SAXO1: variants seen among roughly 807,000 people sequenced by gnomAD.
The protein encoded by SAXO1 is 4930500O09Rik.
Under a neutral mutation model 17.5 loss-of-function variants are expected in SAXO1, and 21 were observed. That is an observed-to-expected ratio of 1.20 (90% CI 0.85 to 1.72). The LOEUF (loss-of-function observed/expected upper bound fraction) is 1.72. Ranked by LOEUF, SAXO1 falls within the 40% of genes most tolerant of loss-of-function variation. The pLI, the probability that SAXO1 is intolerant of heterozygous loss-of-function variation, is 0.00. For missense variants in SAXO1, 843 were observed against 596.0 expected (o/e 1.41, Z -4.32); for synonymous variants, 274 against 216.5 (o/e 1.27, Z -2.33).
At chr9:18,986,556 G>C (rs1204284834) in intron 1 of SAXO1, among the ~76,000 whole-genome samples, 1 of 151,978 alleles carries the variant, frequency 6.6e-6, no homozygotes, top group Non-Finnish European at 1.5e-5. Context: ...CTTATGAAAA[G>C]AAGTGACATT....
chr9:19,001,524 A>C (rs1280876276), intron 1 of SAXO1, among the ~76,000 whole-genome samples: 2 of 151,974 alleles, frequency 1.3e-5, no homozygotes, highest in Non-Finnish European at 2.9e-5. Context: ...AAAATTAGCC[A>C]GGTGTGGTGG....
intron 1 of SAXO1, among the ~76,000 whole-genome samples, chr9:19,013,468 C>G (rs556840998): frequency 1.3e-5 from 2 of 151,938 alleles, no homozygotes; most frequent in East Asian, 3.9e-4. Context: ...CAAGAGCTGA[C>G]CATTACCATT....
intron 1 of SAXO1, among the ~76,000 whole-genome samples, chr9:19,028,384 T>C (rs1289477850): frequency 6.6e-6 from 1 of 151,860 alleles, no homozygotes; most frequent in Non-Finnish European, 1.5e-5. Flanking sequence ...TCAAAAAAAA[T>C]AAAAAATAAA....
At chr9:19,022,435 G>A (rs1563987313) in intron 1 of SAXO1, among the ~76,000 whole-genome samples, 1 of 152,174 alleles carries the variant, frequency 6.6e-6, no homozygotes, top group African/African-American at 2.4e-5. Flanking sequence ...ATTACTCACT[G>A]CCCTCCCATG....
intron 1 of SAXO1, among the ~76,000 whole-genome samples, chr9:18,988,944 G>A (rs1588487008): frequency 6.6e-6 from 1 of 152,106 alleles, no homozygotes; most frequent in Non-Finnish European, 1.5e-5. Context: ...AATCAGAGGG[G>A]AGTATAAAAA....
At chr9:19,003,895 G>A (rs1218955142) in intron 1 of SAXO1, among the ~76,000 whole-genome samples, 1 of 152,034 alleles carries the variant, frequency 6.6e-6, no homozygotes, top group Admixed American at 6.6e-5. Context: ...TAGACAAATG[G>A]GACCTAATTA....
chr9:18,950,848 A>G lies in SAXO1; in HGVS notation c.128T>C (p.Phe43Ser). Residue 43 changes from phenylalanine to serine, a missense_variant, in exon 2 of 4, where the codon TTC becomes TCC. Phe to Ser is a radical substitution (Grantham distance 155). Transcript: ENST00000380534. Reference sequence around the variant, plus strand: ...CTCTCTGGGCAGGTAGGAGTGATAGAAAGGGTAGTTCTCGGTATATTCGGA... The same window carrying G: ...CTCTCTGGGCAGGTAGGAGTGATAGGAAGGGTAGTTCTCGGTATATTCGGA... ...LLSEYTENYP[F>S]YHSYLPRESF... 6.2e-7 allele frequency: 1 copy of G among 1,613,848 alleles called. No homozygotes were observed.
chr9:19,029,809 CA>C (rs1293590301), intron 1 of SAXO1, among the ~76,000 whole-genome samples: 1 of 152,182 alleles, frequency 6.6e-6, no homozygotes, highest in Non-Finnish European at 1.5e-5. Context: ...GAAATTGCCA[CA>C]GCTGGCTACC....
chr9:19,048,748 TA>T (rs1165566172), intron 1 of SAXO1, among the ~76,000 whole-genome samples: 1 of 152,212 alleles, frequency 6.6e-6, no homozygotes, highest in African/African-American at 2.4e-5. Flanking sequence ...ATAGGGTTAT[TA>T]ATTCACAGGG....
chr9:18,968,199 T>C (rs967260552), intron 1 of SAXO1, among the ~76,000 whole-genome samples: 3 of 152,238 alleles, frequency 2.0e-5, no homozygotes, highest in African/African-American at 7.2e-5. Context: ...TTCAGCCATC[T>C]TGCCAGTCTT....
intron 1 of SAXO1, among the ~76,000 whole-genome samples, chr9:18,951,607 C>T (rs545632168): frequency 3.9e-5 from 6 of 152,278 alleles, no homozygotes; most frequent in South Asian, 2.1e-4. Context: ...ACCTCGCCGT[C>T]GTATCCCCTC....
chr9:19,038,500 T>C (rs34272218), intron 1 of SAXO1, among the ~76,000 whole-genome samples: 15,538 of 149,930 alleles, frequency 0.1, 866 homozygotes, highest in Non-Finnish European at 0.12. Flanking sequence ...AGTAAACTAT[T>C]GCAAGGACAA....
intron 1 of SAXO1, among the ~76,000 whole-genome samples, chr9:19,004,550 C>A (rs571981209): frequency 6.6e-6 from 1 of 152,272 alleles, no homozygotes; most frequent in East Asian, 1.9e-4. Flanking sequence ...AAAAGGATGA[C>A]TTCATGTCTT....
intron 1 of SAXO1, among the ~76,000 whole-genome samples, chr9:19,020,086 G>A (rs1697305385): frequency 6.7e-6 from 1 of 149,676 alleles, no homozygotes; most frequent in Admixed American, 6.7e-5. Flanking sequence ...CAAAGCAAAA[G>A]TCCAATGACT....
intron 3 of SAXO1, among the ~76,000 whole-genome samples, chr9:18,932,278 A>G (rs1831086930): frequency 6.6e-6 from 1 of 152,222 alleles, no homozygotes; most frequent in South Asian, 2.1e-4. Context: ...CCATTCATCA[A>G]AAAGACTATC....
At chr9:19,031,212 C>T (rs1460662809) in intron 1 of SAXO1, among the ~76,000 whole-genome samples, 1 of 152,248 alleles carries the variant, frequency 6.6e-6, no homozygotes, top group East Asian at 1.9e-4. Context: ...ATGTCTTATA[C>T]ATTCAATCCC....
intron 1 of SAXO1, among the ~76,000 whole-genome samples, chr9:18,965,274 A>T (rs2131773203): frequency 1.3e-5 from 2 of 152,312 alleles, no homozygotes; most frequent in East Asian, 3.9e-4. Context: ...TATTAGGTCC[A>T]CTTGGTCCAG....
chr9:19,017,748 A>G (rs942099806), intron 1 of SAXO1, among the ~76,000 whole-genome samples: 3 of 152,242 alleles, frequency 2.0e-5, no homozygotes, highest in Non-Finnish European at 4.4e-5. Context: ...AAAAATATCC[A>G]TGCCTATCTC....
chr9:18,999,842 GCCCAGCCGCCACAACA>G (rs1834178736), intron 1 of SAXO1, among the ~76,000 whole-genome samples: 3 of 143,182 alleles, frequency 2.1e-5, no homozygotes, highest in African/African-American at 7.9e-5. Flanking sequence ...GAGCGCCTCT[GCCCAGCCGCCACAACA>G]TCTGGGAAGT....
Sources: allele counts gnomAD v4.1 joint callset (sites outside exome capture counted in the v4.1 genomes callset), GRCh38; gene constraint gnomAD v4.1.1; transcripts MANE v1.5; gene names NCBI Gene and HGNC (gene_info 2026-07-23, HGNC 2026-07-21).